Variants in PARD3 observed in about 807,000 individuals in gnomAD.
PARD3 encodes the protein partitioning defective 3 homolog.
In PARD3, 75 loss-of-function variants were observed where a neutral mutation model predicts 155.4. The ratio of observed to expected loss-of-function variants is 0.48; its 90% CI spans 0.40 to 0.58. PARD3 has a LOEUF of 0.58. PARD3 is among the 20% of genes least tolerant of loss of function. The pLI is 0.00. For missense variants in PARD3, 1,642 were observed against 1,721.7 expected, an observed-to-expected ratio of 0.95 and a Z score of 0.82; for synonymous variants, 576 against 610.5, an observed-to-expected ratio of 0.94 and a Z score of 0.83.
At chr10:34,656,169 A>C (rs2093161543) in intron 2 of PARD3, among the ~76,000 whole-genome samples, 1 of 152,168 alleles carries the variant, frequency 6.6e-6, no homozygotes, top group African/African-American at 2.4e-5. Flanking sequence ...ACTGCCCCCC[A>C]TAAACCACAA....
chr10:34,749,320 T>C (rs915387375), intron 1 of PARD3, among the ~76,000 whole-genome samples: 1 of 152,124 alleles, frequency 6.6e-6, no homozygotes, highest in Non-Finnish European at 1.5e-5. Context: ...GAGAAGTAAA[T>C]GTTTGCTACA....
intron 1 of PARD3, among the ~76,000 whole-genome samples, chr10:34,736,875 C>T (rs2094925765): frequency 6.6e-6 from 1 of 151,926 alleles, no homozygotes; most frequent in Non-Finnish European, 1.5e-5. Flanking sequence ...CAGGGTTTCG[C>T]CATGTTGGCC....
intron 22 of PARD3, among the ~76,000 whole-genome samples, chr10:34,233,858 CCTA>C (rs1953071555): frequency 6.6e-6 from 1 of 152,226 alleles, no homozygotes; most frequent in Admixed American, 6.5e-5. Context: ...TGGATATTCA[CCTA>C]CTGTCTGTCT....
chr10:34,143,507 T>C (rs1948307278), intron 22 of PARD3, among the ~76,000 whole-genome samples: 1 of 152,224 alleles, frequency 6.6e-6, no homozygotes, highest in African/African-American at 2.4e-5. Flanking sequence ...TTACAAAGAA[T>C]TCAAGGCGAA....
intron 20 of PARD3, among the ~76,000 whole-genome samples, chr10:34,287,794 T>C (rs1956471876): frequency 6.6e-6 from 1 of 152,228 alleles, no homozygotes; most frequent in South Asian, 2.1e-4. Flanking sequence ...AAGGATTGCA[T>C]ATTTTCCCAC....
At chr10:34,445,179 TA>T (rs765169761) in intron 5 of PARD3, among the ~76,000 whole-genome samples, 1 of 152,208 alleles carries the variant, frequency 6.6e-6, no homozygotes, top group African/African-American at 2.4e-5. Flanking sequence ...ATCAGGTCAT[TA>T]AAGTCAGATG....
intron 1 of PARD3, among the ~76,000 whole-genome samples, chr10:34,760,563 C>T (rs1468960727): frequency 6.6e-6 from 1 of 152,138 alleles, no homozygotes; most frequent in Non-Finnish European, 1.5e-5. Context: ...AACTCCTGAC[C>T]TCAAGTGATC....
intron 1 of PARD3, among the ~76,000 whole-genome samples, chr10:34,716,222 A>C (rs773518327): frequency 4.6e-5 from 7 of 152,224 alleles, no homozygotes; most frequent in Middle Eastern, 3.2e-3. Context: ...TTATTTAAGA[A>C]ATTATGGTAC....
intron 3 of PARD3, among the ~76,000 whole-genome samples, chr10:34,513,870 C>G (rs2081550813): frequency 6.6e-6 from 1 of 152,108 alleles, no homozygotes; most frequent in African/African-American, 2.4e-5. Flanking sequence ...TACTCAATGC[C>G]CAACTCCACC....
chr10:34,355,628 A>G (rs1838714681), intron 14 of PARD3, among the ~76,000 whole-genome samples: 1 of 152,000 alleles, frequency 6.6e-6, no homozygotes, highest in Non-Finnish European at 1.5e-5. Flanking sequence ...GCAAGAGCAG[A>G]GTAAAAACAA....
At chr10:34,119,009 G>A (rs1171108035) in intron 24 of PARD3, among the ~76,000 whole-genome samples, 1 of 152,172 alleles carries the variant, frequency 6.6e-6, no homozygotes, top group Non-Finnish European at 1.5e-5. Context: ...GCCTTTGTCG[G>A]AGAACTGGGC....
intron 22 of PARD3, among the ~76,000 whole-genome samples, chr10:34,266,705 A>G (rs1319752894): frequency 3.9e-5 from 6 of 152,156 alleles, no homozygotes; most frequent in African/African-American, 1.4e-4. Flanking sequence ...CCTCATGACT[A>G]AAGTCTCCTC....
At chr10:34,727,841 C>T (rs1170612001) in intron 1 of PARD3, among the ~76,000 whole-genome samples, 3 of 149,924 alleles carry the variant, frequency 2.0e-5, no homozygotes, top group Admixed American at 6.7e-5. Context: ...CACGCACGCA[C>T]GCAGGTGAAA....
chr10:34,808,857 G>C (rs897441128), intron 1 of PARD3, among the ~76,000 whole-genome samples: 5 of 152,196 alleles, frequency 3.3e-5, no homozygotes, highest in Non-Finnish European at 7.3e-5. Context: ...TTCTCTCTGA[G>C]AATCTCAGAT....
chr10:34,743,046 A>T (rs2095047116), intron 1 of PARD3, among the ~76,000 whole-genome samples: 1 of 152,254 alleles, frequency 6.6e-6, no homozygotes, highest in South Asian at 2.1e-4. Flanking sequence ...TTATAAATTC[A>T]TATGTTGAAG....
At chr10:34,145,221 A>ATATATATATTTTTTTTTTTTTTTT (rs1491430560) in intron 22 of PARD3, among the ~76,000 whole-genome samples, 1 of 33,972 alleles carries the variant, frequency 2.9e-5, no homozygotes, top group African/African-American at 1.4e-4. Context: ...ATATATATAT[A>ATATATATATTTTTTTTTTTTTTTT]TTTTTTTTTT....
At chr10:34,413,301 T>C (rs1845308499) in intron 5 of PARD3, among the ~76,000 whole-genome samples, 1 of 152,112 alleles carries the variant, frequency 6.6e-6, no homozygotes, top group South Asian at 2.1e-4. Flanking sequence ...AGCATGGATG[T>C]GTTTAATTGT....
intron 2 of PARD3, among the ~76,000 whole-genome samples, chr10:34,605,792 C>CTA (rs199841635): frequency 0.17 from 160 of 964 alleles, 66 homozygotes; most frequent in South Asian, 0.5. Context: ...TATATATCTC[C>CTA]TATATATATA....
At chr10:34,320,529 A>G (rs1002864926) in intron 19 of PARD3, among the ~76,000 whole-genome samples, 5 of 152,220 alleles carry the variant, frequency 3.3e-5, no homozygotes, top group African/African-American at 9.6e-5. Context: ...TTTTGGCAGA[A>G]GTTCAAGGGG....
Sources: gnomAD v4.1 joint callset for allele counts (sites outside exome capture counted in the v4.1 genomes callset) on GRCh38, gnomAD v4.1.1 for gene constraint, MANE v1.5 for transcripts, NCBI Gene and HGNC (gene_info 2026-07-23, HGNC 2026-07-21) for gene names.